The following NEIL3 variants were observed in gnomAD, a reference collection of about 807,000 sequenced individuals.
The protein encoded by NEIL3 is nei like DNA glycosylase 3.
In NEIL3, 48 loss-of-function variants were observed where a neutral mutation model predicts 57.5. That is an observed-to-expected ratio of 0.83 (90% CI 0.66 to 1.06). The LOEUF (loss-of-function observed/expected upper bound fraction) is 1.06, where lower values mean the gene tolerates loss of function less well. NEIL3 is among the 50% of genes least tolerant of loss of function. The probability of loss-of-function intolerance (pLI) is 0.00; values close to 1 mark genes in which losing one functional copy is unlikely to be tolerated. For synonymous variants in NEIL3, 261 were observed against 253.2 expected (o/e 1.03, Z -0.29); for missense variants, 717 against 739.1 (o/e 0.97, Z 0.35).
At chr4:177,342,045 A>G (rs899476448) in intron 6 of NEIL3, among the ~76,000 whole-genome samples, 7 of 152,216 alleles carry the variant, frequency 4.6e-5, no homozygotes, top group African/African-American at 1.7e-4. Flanking sequence ...GAAATAATAG[A>G]CCACTTACTA....
Position 177,353,726 on chromosome 4 carries a change from C to G in NEIL3, c.1458C>G (p.Asn486Lys), listed in dbSNP as rs899399654. The G allele has an allele frequency of 1.2e-6, 2 of 1,604,206 alleles. No homozygotes were observed. Among genetic ancestry groups the G allele is most frequent in the Non-Finnish European group, 1.7e-6 (2 of 1,175,496 alleles). ...AAAGCTGCAACCCTGGATATTCTAA[C>G]AGGTATGATGCTTTTAACCTTGGTC... ...ELKSCNPGYS[N>K]SELQINMTDG... Residue 486 changes from asparagine (N) to lysine (K), a missense_variant and splice_region_variant, in exon 8 of 10, where the codon AAC becomes AAG. Transcript: ENST00000264596.
chr4:177,320,108 C>T (rs1734649945), intron 1 of NEIL3, among the ~76,000 whole-genome samples: 1 of 152,120 alleles, frequency 6.6e-6, no homozygotes, highest in Non-Finnish European at 1.5e-5. Flanking sequence ...GAACTTTTTA[C>T]ATACTAATTG....
At chr4:177,367,372 C>A (rs1735705030), downstream of NEIL3, among the ~76,000 whole-genome samples, 1 of 145,860 alleles carries the variant, frequency 6.9e-6, no homozygotes, top group Non-Finnish European at 1.5e-5. Context: ...TTTACAGAGC[C>A]CTTGCGATGC....
chr4:177,348,614 C>T (rs1396500497), intron 6 of NEIL3, among the ~76,000 whole-genome samples: 1 of 152,074 alleles, frequency 6.6e-6, no homozygotes, highest in Non-Finnish European at 1.5e-5. Context: ...GGCTCCCATT[C>T]TCCATGCTGC....
rs749967709 is a variant in NEIL3, at chr4:177,322,465, G to A, written c.163G>A (p.Ala55Thr). ...TACATGTATTTTCCACTAGGCTGCT[G>A]CACTGAATAATGATTCCAGCCAGAA... is the stretch of plus-strand genomic sequence containing the variant. ...STVVVSPQAA[A>T]LNNDSSQNVL... is the part of the protein sequence containing the mutation. Residue 55 changes from alanine (A) to threonine (T), a missense_variant, in exon 2 of 10, where the codon GCA (alanine) becomes ACA (threonine). Transcript: ENST00000264596. The A allele has an allele frequency of 3.7e-6, 6 of 1,613,796 alleles. No individual in the cohort carries two copies. The highest frequency in any genetic ancestry group is 1.1e-5 in the South Asian group (1 of 91,082).
intron 2 of NEIL3, among the ~76,000 whole-genome samples, chr4:177,325,006 A>G (rs1734754840): frequency 6.6e-6 from 1 of 150,786 alleles, no homozygotes; most frequent in Non-Finnish European, 1.5e-5. Flanking sequence ...TATTTTTCCA[A>G]GACCATTTTC....
intron 4 of NEIL3, among the ~76,000 whole-genome samples, chr4:177,338,606 T>C (rs1735024162): frequency 6.6e-6 from 1 of 152,256 alleles, no homozygotes; most frequent in South Asian, 2.1e-4. Context: ...TCTTTTGGGA[T>C]TACCATTGAC....
chr4:177,317,482 T>C (rs1734596110), intron 1 of NEIL3, among the ~76,000 whole-genome samples: 1 of 152,210 alleles, frequency 6.6e-6, no homozygotes, highest in African/African-American at 2.4e-5. Flanking sequence ...AGGGAACGTA[T>C]TACCTTTTTT....
At chr4:177,357,829 G>T (rs142517432) in intron 8 of NEIL3, among the ~76,000 whole-genome samples, 3 of 152,102 alleles carry the variant, frequency 2.0e-5, no homozygotes, top group Admixed American at 6.5e-5. Context: ...TGCCAGCCCC[G>T]ATCTGTTGTA....
chr4:177,336,522 C>T lies in NEIL3; in HGVS notation c.627+201C>T, dbSNP rs35625083. 9.0e-3 allele frequency among the ~76,000 whole-genome samples: 1,373 copies of T among 152,188 alleles called. 23 individuals carry two copies. The highest frequency in any genetic ancestry group is 0.031 in the African/African-American group (1,305 of 41,514). On this transcript the variant is annotated intron_variant, in intron 4 of 9. Transcript: ENST00000264596. Reference sequence around the variant, plus strand: ...GCACTTACAGTTGCCTTGTGCACACCCTCCCACTCCACATTTCACTCTATC... The same window carrying T: ...GCACTTACAGTTGCCTTGTGCACACTCTCCCACTCCACATTTCACTCTATC...
At chr4:177,340,484 T>C (rs1735071332) in intron 5 of NEIL3, among the ~76,000 whole-genome samples, 1 of 152,226 alleles carries the variant, frequency 6.6e-6, no homozygotes, top group Non-Finnish European at 1.5e-5. Context: ...CCATTTTCTG[T>C]ATCCAAAATT....
intron 6 of NEIL3, among the ~76,000 whole-genome samples, chr4:177,348,499 G>T (rs1307891189): frequency 3.3e-5 from 5 of 152,104 alleles, no homozygotes; most frequent in Non-Finnish European, 5.9e-5. Context: ...CAGGGCAATA[G>T]TTTCCCTGGG....
chr4:177,342,302 A>G (rs962160050), intron 6 of NEIL3, among the ~76,000 whole-genome samples: 5 of 152,324 alleles, frequency 3.3e-5, no homozygotes, highest in East Asian at 1.9e-4. Flanking sequence ...CTTTTCCCCA[A>G]TGTACAGTTA....
chr4:177,356,108 G>A (rs1253664768), intron 8 of NEIL3, among the ~76,000 whole-genome samples: 2 of 152,144 alleles, frequency 1.3e-5, no homozygotes, highest in Admixed American at 6.5e-5. Flanking sequence ...TTTCTGTTCC[G>A]TGGCTTAAGT....
chr4:177,349,916 G>A (rs1037209550), intron 6 of NEIL3, among the ~76,000 whole-genome samples: 2 of 152,172 alleles, frequency 1.3e-5, no homozygotes, highest in African/African-American at 2.4e-5. Flanking sequence ...TTTAATTATA[G>A]ATAAATGCAT....
At chr4:177,319,112 T>C (rs780321003) in intron 1 of NEIL3, among the ~76,000 whole-genome samples, 20 of 152,218 alleles carry the variant, frequency 1.3e-4, no homozygotes, top group Non-Finnish European at 7.3e-5. Context: ...AGCTGTTAAC[T>C]TGGTGATGTG....
chr4:177,326,987 C>T (rs1282186649), intron 2 of NEIL3, among the ~76,000 whole-genome samples: 2 of 152,062 alleles, frequency 1.3e-5, no homozygotes, highest in African/African-American at 2.4e-5. Flanking sequence ...GGCATGTAAT[C>T]CCCTTGTGTC....
rs191166145 is a variant in NEIL3 at position 177,344,743 on chromosome 4, G to T, written c.869+3101G>T. Among the ~76,000 whole-genome samples the T allele has an allele frequency of 1.4e-3, 211 of 152,042 alleles. 2 individuals carry two copies. Among genetic ancestry groups the T allele is most frequent in the Non-Finnish European group, 1.8e-4 (12 of 67,998 alleles). ...CGCCCAGCTAATTTTTGTATTTTTA[G>T]TAGAGACGGGGTTTCACCATGTGGG... On this transcript the variant is annotated intron_variant, in intron 6 of 9. Transcript: ENST00000264596.
In NEIL3 at chr4:177,362,408, A is replaced by G. The variant is rs778631137; in HGVS notation, c.1755A>G (p.Lys585=). 6.2e-7 allele frequency: 1 copy of G among 1,613,706 alleles called. No individual in the cohort carries two copies. The highest frequency in any genetic ancestry group is 1.3e-5 in the African/African-American group (1 of 75,010). Residue 585 remains lysine, a synonymous_variant, in exon 10 of 10, where the codon AAA becomes AAG. Transcript: ENST00000264596. The stretch of plus-strand genomic sequence containing the variant: ...TTGTGTGTCCTCTTGGGAAGGAAAA[A>G]CAATGCAATTTTTTCCAGTGGGCAG... ...NFFVCPLGKE[K]QCNFFQWAEN... is the part of the protein sequence containing the mutation.
Sources: allele counts gnomAD v4.1 joint callset (sites outside exome capture counted in the v4.1 genomes callset), GRCh38; gene constraint gnomAD v4.1.1; transcripts MANE v1.5; gene names NCBI Gene and HGNC (gene_info 2026-07-23, HGNC 2026-07-21).